The following ZNF737 variants were observed in gnomAD, a reference collection of about 807,000 sequenced individuals.
ZNF737 encodes zinc finger protein 737.
Under a neutral mutation model 11.7 loss-of-function variants are expected in ZNF737, and 13 were observed. The ratio of observed to expected loss-of-function variants is 1.11; its 90% CI spans 0.73 to 1.77. The LOEUF (loss-of-function observed/expected upper bound fraction) is 1.77, where lower values mean the gene tolerates loss of function less well. Among genes scored for constraint, ZNF737 ranks in the 40% most tolerant of loss-of-function variants. The probability of loss-of-function intolerance (pLI) is 0.00; values close to 1 mark genes in which losing one functional copy is unlikely to be tolerated. For synonymous variants in ZNF737, 217 were observed against 216.2 expected (o/e 1.00, Z -0.03); for missense variants, 636 against 638.0 (o/e 1.00, Z 0.03).
Position 20,538,532 on chromosome 19 carries a change from G to T in ZNF737, c.*6060C>A, listed in dbSNP as rs1968069174. On this transcript the variant is annotated 3_prime_UTR_variant, in exon 4 of 4. Coordinates refer to ENST00000427401, the MANE Select transcript of ZNF737 (RefSeq NM_001159293.2). ...AATGACTCTGTCTCCTCTGTTCAGTGTACTCGTGGCAAAACTGCTTTCTGC... is the reference window on the plus strand; with the variant it reads ...AATGACTCTGTCTCCTCTGTTCAGTTTACTCGTGGCAAAACTGCTTTCTGC... 7 of 418,738 alleles carry T rather than the reference G, an allele frequency of 1.7e-5. No individual in the cohort carries two copies. The South Asian group carries it at 5.0e-4, about 30-fold the overall frequency. 25.9% of individuals were successfully genotyped at this position (418,738 alleles called of 1,614,324 possible).
At chr19:20,552,376 G>T in intron 3 of ZNF737, 99 bp downstream of exon 3, 2 of 801,670 alleles carry the variant, frequency 2.5e-6, no homozygotes, top group Non-Finnish European at 3.6e-6. Flanking sequence ...TTTCTTTGGA[G>T]CACAGCTTCC....
At chr19:20,550,780 T>A (rs576162969) in intron 3 of ZNF737, among the ~76,000 whole-genome samples, 1 of 152,282 alleles carries the variant, frequency 6.6e-6, no homozygotes, top group African/African-American at 2.4e-5. Context: ...AGAGCTAGGG[T>A]GGGAGTTGTG....
rs1599396167 is a variant in ZNF737, at chr19:20,539,991, G to A, written c.*4601C>T. ...CTCCCATTAATGTGGACCTGTTGTG[G>A]TCTCCTGTTTCTCTTAAGCTATCCC... On this transcript the variant is annotated 3_prime_UTR_variant, in exon 4 of 4. Coordinates refer to ENST00000427401, the MANE Select transcript of ZNF737 (RefSeq NM_001159293.2). 2 of 985,290 alleles carry A rather than the reference G, an allele frequency of 2.0e-6. No individual in the cohort carries two copies. The highest frequency in any genetic ancestry group is 2.3e-4 in the East Asian group (2 of 8,796). 61.0% of individuals were successfully genotyped at this position (985,290 alleles called of 1,614,324 possible). A position where few individuals can be genotyped will look rare whatever the true frequency, so the allele number is the denominator to read the frequency against.
chr19:20,550,009 T>A (rs1968608276), intron 3 of ZNF737, among the ~76,000 whole-genome samples: 1 of 151,928 alleles, frequency 6.6e-6, no homozygotes, highest in Non-Finnish European at 1.5e-5. Flanking sequence ...GTATTCTGAA[T>A]CATTAGCATG....
intron 1 of ZNF737, among the ~76,000 whole-genome samples, chr19:20,557,618 ATT>A (rs34710395): frequency 0.31 from 45,076 of 144,132 alleles, 8,025 homozygotes; most frequent in Non-Finnish European, 0.41. Flanking sequence ...TTCTAGGGTA[ATT>A]TTTTTTTTTT....
downstream of ZNF737, among the ~76,000 whole-genome samples, chr19:20,532,497 A>G (rs1967854472): frequency 6.7e-6 from 1 of 150,128 alleles, no homozygotes; most frequent in South Asian, 2.2e-4. Context: ...AGAAGCCTAT[A>G]AAATAAACTT....
Position 20,553,752 on chromosome 19 carries a change from A to G in ZNF737, c.87T>C (p.Tyr29=). The change falls in exon 2 of 4, where the codon TAT becomes TAC. Residue 29 remains tyrosine, a synonymous_variant. Transcript: ENST00000427401. ...TGTAGTTCTCTAACATCACATTCCT[A>G]TATAAATTCCGCTGTGCAGTGTCCA... ...HCLDTAQRNL[Y]RNVMLENYRN... 1 of 1,614,032 alleles carries G rather than the reference A, an allele frequency of 6.2e-7. No individual in the cohort carries two copies.
At chr19:20,533,578 GT>G (rs782291460), downstream of ZNF737, among the ~76,000 whole-genome samples, 1 of 149,940 alleles carries the variant, frequency 6.7e-6, no homozygotes, top group Non-Finnish European at 1.5e-5. Context: ...ATTGCCTTCT[GT>G]TTTGCTCAGT....
At chr19:20,554,798 T>C (rs1968822483) in intron 1 of ZNF737, among the ~76,000 whole-genome samples, 1 of 152,174 alleles carries the variant, frequency 6.6e-6, no homozygotes, top group Admixed American at 6.5e-5. Context: ...AGAGCAGGTA[T>C]GTCCTAATAA....
chr19:20,563,397 G>C lies in ZNF737; in HGVS notation c.3+2241C>G, dbSNP rs1568438353. ...GGTTCAAGCTTTGATTTCCATGTCA[G>C]AGTTATTCACTTGGTTTTTGAAACT... On this transcript the variant is annotated intron_variant, in intron 1 of 3. Transcript: ENST00000427401. 4.0e-5 allele frequency among the ~76,000 whole-genome samples: 6 copies of C among 151,340 alleles called. No homozygotes were observed. In the Middle Eastern group the frequency reaches 0.01, roughly 257 times the overall value.
intron 3 of ZNF737, among the ~76,000 whole-genome samples, chr19:20,549,429 AC>A (rs200894691): frequency 1.3e-5 from 2 of 152,120 alleles, no homozygotes; most frequent in East Asian, 3.9e-4. Context: ...GCAGTTCCAG[AC>A]CACATTGGCC....
chr19:20,548,760 T>TTA (rs55908897), intron 3 of ZNF737, among the ~76,000 whole-genome samples: 1 of 151,162 alleles, frequency 6.6e-6, no homozygotes, highest in African/African-American at 2.4e-5. Context: ...TATTATTTTT[T>TTA]ATAGAGAGGT....
chr19:20,563,182 T>TTTTTTTTTTTTTTTTTTTGAGACGG (rs1555762915), intron 1 of ZNF737, among the ~76,000 whole-genome samples: 2 of 141,666 alleles, frequency 1.4e-5, no homozygotes, highest in African/African-American at 5.3e-5. Context: ...CCTTTCATCT[T>TTTTTTTTTTTTTTTTTTTGAGACGG]AACCTCAGCT....
Position 20,542,624 on chromosome 19 carries a change from C to G in ZNF737, c.*1968G>C. 2 of 973,298 alleles carry G rather than the reference C, an allele frequency of 2.1e-6. No homozygotes were observed. Among genetic ancestry groups the G allele is most frequent in the Non-Finnish European group, 2.4e-6 (2 of 819,066 alleles). 60.3% of individuals were successfully genotyped at this position (973,298 alleles called of 1,614,324 possible). On this transcript the variant is annotated 3_prime_UTR_variant, in exon 4 of 4. Coordinates refer to ENST00000427401, the MANE Select transcript of ZNF737 (RefSeq NM_001159293.2). Reference sequence around the variant, plus strand: ...TATTTTAATATACTTTTAATTATTTCTTTGTGTCACTATAATAAAGTATTG... The same window carrying G: ...TATTTTAATATACTTTTAATTATTTGTTTGTGTCACTATAATAAAGTATTG...
chr19:20,561,053 A>G (rs1969075012), intron 1 of ZNF737, among the ~76,000 whole-genome samples: 4 of 152,194 alleles, frequency 2.6e-5, no homozygotes, highest in African/African-American at 4.8e-5. Context: ...CAAAACAAAA[A>G]TAAAAGCTAA....
chr19:20,565,300 T>C (rs1223551321), intron 1 of ZNF737, among the ~76,000 whole-genome samples: 1 of 152,166 alleles, frequency 6.6e-6, no homozygotes, highest in Non-Finnish European at 1.5e-5. Context: ...TTCCCATTCA[T>C]GAACCTGCAC....
intron 3 of ZNF737, among the ~76,000 whole-genome samples, chr19:20,547,528 C>T (rs1335681226): frequency 1.3e-5 from 2 of 152,132 alleles, no homozygotes; most frequent in East Asian, 3.9e-4. Flanking sequence ...AGTTGCCATG[C>T]ATACAAAATA....
At chr19:20,533,260 C>T (rs1437884662), downstream of ZNF737, among the ~76,000 whole-genome samples, 5 of 149,910 alleles carry the variant, frequency 3.3e-5, no homozygotes, top group Non-Finnish European at 5.9e-5. Flanking sequence ...CTGTACTATT[C>T]TAGATATAGT....
chr19:20,553,061 G>A (rs1454903488), intron 2 of ZNF737, among the ~76,000 whole-genome samples: 5 of 151,188 alleles, frequency 3.3e-5, no homozygotes, highest in Non-Finnish European at 5.9e-5. Context: ...CTTTCAATTT[G>A]TAGGTTTCTT....
Sources: allele counts gnomAD v4.1 joint callset (sites outside exome capture counted in the v4.1 genomes callset), GRCh38; gene constraint gnomAD v4.1.1; transcripts MANE v1.5; gene names NCBI Gene and HGNC (gene_info 2026-07-23, HGNC 2026-07-21).